Variants in KCTD7 observed in about 807,000 individuals in gnomAD.
KCTD7 encodes the protein BTB/POZ domain-containing protein KCTD7.
A neutral mutation model predicts 27.0 loss-of-function variants in KCTD7; 15 were observed. The observed-to-expected ratio is 0.56, with a 90% CI of 0.37 to 0.86. The LOEUF is 0.86. Ranked by LOEUF, KCTD7 falls within the 40% of genes least tolerant of loss-of-function variation. The pLI is 0.00. For synonymous variants in KCTD7, 159 were observed against 162.7 expected (o/e 0.98, Z 0.17); for missense variants, 299 against 398.9 (o/e 0.75, Z 2.13).
chr7:66,643,104 CA>C, downstream of KCTD7: 1 of 985,456 alleles, frequency 1.0e-6, no homozygotes, highest in Non-Finnish European at 1.2e-6. Flanking sequence ...CTCTGACCCC[CA>C]CTTTGCCAGC....
chr7:66,641,939 C>T lies in KCTD7; in HGVS notation c.*2707C>T. 2.0e-6 allele frequency: 2 copies of T among 985,250 alleles called. No homozygotes were observed. Among genetic ancestry groups the T allele is most frequent in the East Asian group, 1.1e-4 (1 of 8,828 alleles). 61.0% of individuals were successfully genotyped at this position (985,250 alleles called of 1,614,324 possible). On this transcript the variant is annotated 3_prime_UTR_variant, in exon 4 of 4. Coordinates refer to ENST00000639828, the MANE Select transcript of KCTD7 (RefSeq NM_153033.5). ...AAGGCTCCAAAGGATGAAAGCTTCTCCCTGATCATAAGGAAGTGCATCTTT... is the reference window on the plus strand; with the variant it reads ...AAGGCTCCAAAGGATGAAAGCTTCTTCCTGATCATAAGGAAGTGCATCTTT...
At chr7:66,636,768 A>T (rs1584398174) in intron 2 of KCTD7, among the ~76,000 whole-genome samples, 1 of 152,200 alleles carries the variant, frequency 6.6e-6, no homozygotes, top group African/African-American at 2.4e-5. Flanking sequence ...ACAAGATCCT[A>T]TCTCTTAAAA....
At chr7:66,630,266 C>G (rs1786415768) in intron 1 of KCTD7, among the ~76,000 whole-genome samples, 1 of 151,990 alleles carries the variant, frequency 6.6e-6, no homozygotes, top group African/African-American at 2.4e-5. Context: ...AAGACCGTAC[C>G]TACAAACAAA....
intron 2 of KCTD7, among the ~76,000 whole-genome samples, chr7:66,633,821 C>G (rs1426002112): frequency 6.6e-6 from 1 of 151,718 alleles, no homozygotes; most frequent in African/African-American, 2.4e-5. Context: ...AACCCCATCT[C>G]TACTAAAAAT....
rs1428011195 is a variant in KCTD7, at chr7:66,633,464, A to G, written c.314+20A>G. ...CTTTGGGTATGTCTCTCCCTCTACA[A>G]TCAACTTTGTAGTCCTAGCAGGTGA... is the stretch of plus-strand genomic sequence containing the variant. On this transcript the variant is annotated intron_variant, in intron 2 of 3. Transcript: ENST00000639828. 1.9e-6 allele frequency: 3 copies of G among 1,613,108 alleles called. No homozygotes were observed. The highest frequency in any genetic ancestry group is 2.2e-5 in the East Asian group (1 of 44,894).
In KCTD7 at chr7:66,642,051, T is replaced by C. The variant is rs1175627764; in HGVS notation, c.*2819T>C. 4.1e-6 allele frequency: 4 copies of C among 985,312 alleles called. No homozygotes were observed. Among genetic ancestry groups the C allele is most frequent in the Non-Finnish European group, 4.8e-6 (4 of 829,938 alleles). The allele number at this position is 985,312 out of a possible 1,614,324, so 61.0% of individuals were successfully genotyped here. A position where few individuals can be genotyped will look rare whatever the true frequency, so the allele number is the denominator to read the frequency against. ...TTGCCTTGAGACGGGCCAGTAGTTA[T>C]CAGTGAGTCAAAGCAAAGTGAAAGT... On this transcript the variant is annotated 3_prime_UTR_variant, in exon 4 of 4. Transcript: ENST00000639828.
At position 66,640,602 on chromosome 7, in the gene KCTD7, A is replaced by ATT; in HGVS notation, c.*1380_*1381dup. Reference sequence around the variant, plus strand: ...CCTGTCTCTTCCTGGGTAAAGGGAGATTTTTTTTTTTAATGTGTAAAGAAT... The same window carrying ATT: ...CCTGTCTCTTCCTGGGTAAAGGGAGATTTTTTTTTTTTTAATGTGTAAAGAAT... On this transcript the variant is annotated 3_prime_UTR_variant, in exon 4 of 4. Coordinates refer to ENST00000639828, the MANE Select transcript of KCTD7 (RefSeq NM_153033.5). 85 of 1,044,580 alleles carry ATT rather than the reference A, an allele frequency of 8.1e-5. No homozygotes were observed. The highest frequency in any genetic ancestry group is 2.3e-4 in the Admixed American group (6 of 26,544). The allele number at this position is 1,044,580 out of a possible 1,614,324, so 64.7% of individuals were successfully genotyped here.
rs1436229576 is a variant in KCTD7 at position 66,641,062 on chromosome 7, G to A, written c.*1830G>A. ...CAGGGCGTGGTTTTGCACTCCTGTT[G>A]TACTCTTTTAGAGGTGGAAAAGAGG... On this transcript the variant is annotated 3_prime_UTR_variant, in exon 4 of 4. Coordinates refer to ENST00000639828, the MANE Select transcript of KCTD7 (RefSeq NM_153033.5). 6.1e-6 allele frequency: 6 copies of A among 985,216 alleles called. No individual in the cohort carries two copies. Among genetic ancestry groups the A allele is most frequent in the Non-Finnish European group, 7.2e-6 (6 of 829,928 alleles). 61.0% of individuals were successfully genotyped at this position (985,216 alleles called of 1,614,324 possible). A position where few individuals can be genotyped will look rare whatever the true frequency, so the allele number is the denominator to read the frequency against.
chr7:66,638,558 G>A (rs1353372172), intron 3 of KCTD7, 127 bp downstream of exon 3: 5 of 1,083,362 alleles, frequency 4.6e-6, no homozygotes, highest in South Asian at 1.5e-5. Context: ...GCGATGGAGT[G>A]TCATCCCTTC....
At chr7:66,629,396 C>T (rs866407655) in intron 1 of KCTD7, among the ~76,000 whole-genome samples, 188 bp downstream of exon 1, 3 of 151,776 alleles carry the variant, frequency 2.0e-5, no homozygotes, top group Non-Finnish European at 4.4e-5. Flanking sequence ...ACCTTCAACC[C>T]CTGTCAATTA....
chr7:66,633,689 A>T (rs1190844031), intron 2 of KCTD7, among the ~76,000 whole-genome samples: 1 of 151,946 alleles, frequency 6.6e-6, no homozygotes, highest in African/African-American at 2.4e-5. Context: ...ATAGACAATT[A>T]AACAATTTTT....
At position 66,628,960 on chromosome 7, in the gene KCTD7, C is replaced by A. The variant is rs537288495; in HGVS notation, c.-105C>A. 139 of 1,232,262 alleles carry A rather than the reference C, an allele frequency of 1.1e-4. 1 individual carries two copies. The African/African-American group carries it at 2.1e-3, about 18-fold the overall frequency. The allele number at this position is 1,232,262 out of a possible 1,614,324, so 76.3% of individuals were successfully genotyped here. ...CTGCCTCTCGCCCCCCTCCGGCCAG[C>A]CCGCAGCCGGCCGCGTCATGCCAGG... On this transcript the variant is annotated 5_prime_UTR_variant, in exon 1 of 4. Transcript: ENST00000639828.
chr7:66,631,856 A>G (rs1181383711), intron 1 of KCTD7, among the ~76,000 whole-genome samples: 1 of 152,200 alleles, frequency 6.6e-6, no homozygotes, highest in Non-Finnish European at 1.5e-5. Flanking sequence ...GGAGAGGAGT[A>G]GATGCCTGGA....
chr7:66,635,135 C>G (rs1786557603), intron 2 of KCTD7, among the ~76,000 whole-genome samples: 1 of 151,594 alleles, frequency 6.6e-6, no homozygotes, highest in Non-Finnish European at 1.5e-5. Flanking sequence ...GCCTCAGTTT[C>G]CCAAGTAGCT....
At position 66,640,309 on chromosome 7, in the gene KCTD7, C is replaced by G; in HGVS notation, c.*1077C>G. ...TTCCCTTTTGTTTTACTCCTCACTC[C>G]TCTATTTTTGTTTTACTCACTTCTT... On this transcript the variant is annotated 3_prime_UTR_variant, in exon 4 of 4. Transcript: ENST00000639828. 1 of 1,533,586 alleles carries G rather than the reference C, an allele frequency of 6.5e-7. No individual in the cohort carries two copies. The highest frequency in any genetic ancestry group is 8.7e-7 in the Non-Finnish European group (1 of 1,144,990). The allele number at this position is 1,533,586 out of a possible 1,614,324, so 95.0% of individuals were successfully genotyped here. A position where few individuals can be genotyped will look rare whatever the true frequency, so the allele number is the denominator to read the frequency against.
chr7:66,641,398 C>T lies in KCTD7; in HGVS notation c.*2166C>T. On this transcript the variant is annotated 3_prime_UTR_variant, in exon 4 of 4. Coordinates refer to ENST00000639828, the MANE Select transcript of KCTD7 (RefSeq NM_153033.5). Reference sequence around the variant, plus strand: ...TTCAGTAATGTGGCCTTGACCCCTTCTGCTTCCCCCTTCTCCCATGGAGCA... The same window carrying T: ...TTCAGTAATGTGGCCTTGACCCCTTTTGCTTCCCCCTTCTCCCATGGAGCA... 6.1e-6 allele frequency: 6 copies of T among 985,452 alleles called. No individual in the cohort carries two copies. Among genetic ancestry groups the T allele is most frequent in the Non-Finnish European group, 7.2e-6 (6 of 829,944 alleles). The allele number at this position is 985,452 out of a possible 1,614,324, so 61.0% of individuals were successfully genotyped here.
Position 66,640,092 on chromosome 7 carries a change from C to A in KCTD7, c.*860C>A, listed in dbSNP as rs1249957192. On this transcript the variant is annotated 3_prime_UTR_variant, in exon 4 of 4. Transcript: ENST00000639828. Reference sequence around the variant, plus strand: ...ACATCCTTTTTAGAGGCTCAGAACACCTCCTTGGCTGCTATCTCATGTGTT... The same window carrying A: ...ACATCCTTTTTAGAGGCTCAGAACAACTCCTTGGCTGCTATCTCATGTGTT... The A allele has an allele frequency of 7.6e-7, 1 of 1,315,120 alleles. No individual in the cohort carries two copies. The highest frequency in any genetic ancestry group is 9.6e-7 in the Non-Finnish European group (1 of 1,038,404). The allele number at this position is 1,315,120 out of a possible 1,614,324, so 81.5% of individuals were successfully genotyped here.
chr7:66,629,598 A>G (rs1364364823), intron 1 of KCTD7, among the ~76,000 whole-genome samples: 1 of 151,992 alleles, frequency 6.6e-6, no homozygotes, highest in African/African-American at 2.4e-5. Context: ...TAATCCCAAC[A>G]CATTGGGAGG....
rs999927500 is a variant in KCTD7, at chr7:66,642,081, G to A, written c.*2849G>A. ...GAGTCAAAGCAAAGTGAAAGTTTCA[G>A]GAGATGGGACCAATGGTGCAATGCT... On this transcript the variant is annotated 3_prime_UTR_variant, in exon 4 of 4. Transcript: ENST00000639828. The A allele has an allele frequency of 5.1e-6, 5 of 985,296 alleles. No homozygotes were observed. In the African/African-American group the frequency reaches 8.7e-5, roughly 17 times the overall value. 61.0% of individuals were successfully genotyped at this position (985,296 alleles called of 1,614,324 possible). A position where few individuals can be genotyped will look rare whatever the true frequency, so the allele number is the denominator to read the frequency against.
Sources: gnomAD v4.1 joint callset for allele counts (sites outside exome capture counted in the v4.1 genomes callset) on GRCh38, gnomAD v4.1.1 for gene constraint, MANE v1.5 for transcripts, NCBI Gene and HGNC (gene_info 2026-07-23, HGNC 2026-07-21) for gene names.